The following PLXNA2 variants were observed in gnomAD, a reference collection of about 807,000 sequenced individuals.
The protein encoded by PLXNA2 is plexin-A2.
Under a neutral mutation model 193.5 loss-of-function variants are expected in PLXNA2, and 91 were observed. The ratio of observed to expected loss-of-function variants is 0.47; its 90% CI spans 0.40 to 0.56. The LOEUF is 0.56. Among genes scored for constraint, PLXNA2 ranks in the 20% least tolerant of loss-of-function variants. PLXNA2 has a pLI of 0.00. For synonymous variants in PLXNA2, 997 were observed against 1,027.3 expected (o/e 0.97, Z 0.56); for missense variants, 1,995 against 2,503.2 (o/e 0.80, Z 4.33).
At chr1:208,131,332 C>T (rs1397562001) in intron 4 of PLXNA2, among the ~76,000 whole-genome samples, 2 of 152,238 alleles carry the variant, frequency 1.3e-5, no homozygotes, top group Non-Finnish European at 2.9e-5. Context: ...TTCATGACGG[C>T]TCCTCTGATG....
intron 3 of PLXNA2, among the ~76,000 whole-genome samples, chr1:208,146,717 A>C (rs1052549085): frequency 6.6e-6 from 1 of 152,204 alleles, no homozygotes; most frequent in Non-Finnish European, 1.5e-5. Flanking sequence ...ACAAAGTGAC[A>C]GCAATAAACT....
chr1:208,097,179 T>C (rs761269134), intron 6 of PLXNA2, among the ~76,000 whole-genome samples: 1 of 152,168 alleles, frequency 6.6e-6, no homozygotes, highest in Non-Finnish European at 1.5e-5. Context: ...CCAAAATCCA[T>C]CTAAGCCCCT....
intron 13 of PLXNA2, 90 bp downstream of exon 13, chr1:208,060,596 C>T: frequency 7.5e-7 from 1 of 1,328,986 alleles, no homozygotes; most frequent in Non-Finnish European, 1.0e-6. Flanking sequence ...GGAGATCAAT[C>T]ATGGAAAAGG....
chr1:208,060,509 C>A (rs1470230130), intron 13 of PLXNA2, among the ~76,000 whole-genome samples, 177 bp downstream of exon 13: 1 of 152,050 alleles, frequency 6.6e-6, no homozygotes, highest in African/African-American at 2.4e-5. Context: ...AGGATGAGAC[C>A]CCCTGAGGGT....
chr1:208,096,661 T>C, intron 7 of PLXNA2, 69 bp downstream of exon 7: 1 of 1,561,028 alleles, frequency 6.4e-7, no homozygotes, highest in Admixed American at 1.8e-5. Context: ...TGCCTAGTTC[T>C]TGTGACCCCC....
chr1:208,182,830 C>A (rs2440899), intron 3 of PLXNA2, among the ~76,000 whole-genome samples: 145,818 of 152,050 alleles, frequency 0.96, 70,218 homozygotes, highest in East Asian at 1. Context: ...CTAGAGGAGA[C>A]TCTGGCTGCT....
chr1:208,082,002 G>A lies in PLXNA2; in HGVS notation c.2395+410C>T, dbSNP rs141431266. 4.6e-5 allele frequency among the ~76,000 whole-genome samples: 7 copies of A among 152,220 alleles called. No individual in the cohort carries two copies. The highest frequency in any genetic ancestry group is 1.4e-4 in the African/African-American group (6 of 41,542). Reference sequence around the variant, plus strand: ...TCTCCCGCCCACCTCAGGAACTGGAGAGCAGCCTTAAAAACCCTCTTTGTG... The same window carrying A: ...TCTCCCGCCCACCTCAGGAACTGGAAAGCAGCCTTAAAAACCCTCTTTGTG... On this transcript the variant is annotated intron_variant, in intron 11 of 31. Coordinates refer to ENST00000367033, the MANE Select transcript of PLXNA2 (RefSeq NM_025179.4). The surrounding 1 kb of genome is among the most constrained non-coding windows in gnomAD (Gnocchi z 4.2).
intron 3 of PLXNA2, among the ~76,000 whole-genome samples, chr1:208,187,448 G>A (rs1448795855): frequency 6.6e-6 from 1 of 152,174 alleles, no homozygotes; most frequent in African/African-American, 2.4e-5. Flanking sequence ...AGGGAAGCAG[G>A]AGCAACAGCC....
In PLXNA2 at chr1:208,039,663, G is replaced by T; in HGVS notation, c.4458C>A (p.Ser1486Arg). 1 of 1,614,166 alleles carries T rather than the reference G, an allele frequency of 6.2e-7. No homozygotes were observed. Among genetic ancestry groups the T allele is most frequent in the Non-Finnish European group, 8.5e-7 (1 of 1,180,054 alleles). The change falls in exon 24 of 32, where the codon AGC becomes AGA. Residue 1486 changes from serine to arginine, a missense_variant. Ser to Arg is a moderately radical substitution (Grantham distance 110). Around this residue, in one of 3 missense-constraint regions of PLXNA2, gnomAD observed 1,291 missense variants for 1,673.6 expected, o/e 0.77. Coordinates refer to ENST00000367033, the MANE Select transcript of PLXNA2 (RefSeq NM_025179.4). ...AITGEARYSL[S>R]EDKLIRQQIE... Reference sequence around the variant, plus strand: ...TCTGCTGCCGGATGAGCTTGTCCTCGCTCAGGGAGTAGCGGGCCTCGCCCG... The same window carrying T: ...TCTGCTGCCGGATGAGCTTGTCCTCTCTCAGGGAGTAGCGGGCCTCGCCCG...
rs1572064162 is a variant in PLXNA2 at position 208,236,819 on chromosome 1, A to G, written c.-81+6824T>C. Among the ~76,000 whole-genome samples the G allele has an allele frequency of 6.6e-6, 1 of 152,310 alleles. No homozygotes were observed. Among genetic ancestry groups the G allele is most frequent in the African/African-American group, 2.4e-5 (1 of 41,574 alleles). ...GGGCAAGAACTCCTTCTCTTCGGAA[A>G]TACAAGACTACACATACCCACATCA... On this transcript the variant is annotated intron_variant, in intron 1 of 31. Transcript: ENST00000367033. This position sits in a 1 kb window ranked among gnomAD's most constrained non-coding sequence, Gnocchi z 4.4.
chr1:208,105,725 C>T (rs1026710338), intron 4 of PLXNA2, among the ~76,000 whole-genome samples: 1 of 152,212 alleles, frequency 6.6e-6, no homozygotes, highest in African/African-American at 2.4e-5. Flanking sequence ...AACAGAGACC[C>T]TGGCTGCCTG....
intron 3 of PLXNA2, among the ~76,000 whole-genome samples, chr1:208,178,712 T>C (rs1220416741): frequency 2.6e-5 from 4 of 152,172 alleles, no homozygotes; most frequent in African/African-American, 9.7e-5. Flanking sequence ...GAAGAAGAGT[T>C]CCAATAACTC....
intron 1 of PLXNA2, among the ~76,000 whole-genome samples, chr1:208,218,752 G>C (rs2102616020): frequency 6.6e-6 from 1 of 152,360 alleles, no homozygotes; most frequent in Middle Eastern, 3.4e-3. Flanking sequence ...AAGCCCTCGG[G>C]AGACAGGCAG....
chr1:208,102,360 A>T (rs1456840761), intron 5 of PLXNA2, among the ~76,000 whole-genome samples: 3 of 152,216 alleles, frequency 2.0e-5, no homozygotes, highest in Admixed American at 2.0e-4. Context: ...GGGCAACAGA[A>T]TTCCTAGCCA....
intron 12 of PLXNA2, among the ~76,000 whole-genome samples, chr1:208,067,078 C>T (rs1196975237): frequency 6.6e-6 from 1 of 152,178 alleles, no homozygotes; most frequent in Non-Finnish European, 1.5e-5. Context: ...GGCGCAGTGG[C>T]TCATGCCTGT....
intron 1 of PLXNA2, among the ~76,000 whole-genome samples, chr1:208,237,583 T>G (rs538531730): frequency 3.4e-4 from 51 of 152,220 alleles, no homozygotes; most frequent in African/African-American, 1.1e-3. Flanking sequence ...GAAAACTGGG[T>G]AGGTACGGGT....
intron 3 of PLXNA2, among the ~76,000 whole-genome samples, chr1:208,168,724 G>GGT (rs1491302678): frequency 4.4e-4 from 32 of 73,152 alleles, no homozygotes; most frequent in Non-Finnish European, 3.5e-4. Context: ...AGTATGCGGG[G>GGT]TTTTTTTTTT....
chr1:208,088,453 A>G (rs983054842), intron 9 of PLXNA2, among the ~76,000 whole-genome samples: 3 of 152,390 alleles, frequency 2.0e-5, no homozygotes, highest in East Asian at 1.9e-4. Flanking sequence ...CCCCTGGGAC[A>G]GGGCATAAAG....
intron 3 of PLXNA2, among the ~76,000 whole-genome samples, chr1:208,189,677 C>A (rs541651593): frequency 6.6e-6 from 1 of 152,280 alleles, no homozygotes; most frequent in South Asian, 2.1e-4. Context: ...TCTCATTTTG[C>A]AAATGAAGAA....
Sources: gnomAD v4.1 joint callset for allele counts (sites outside exome capture counted in the v4.1 genomes callset) on GRCh38, gnomAD v4.1.1 for gene constraint, gnomAD v4.1.1 regional missense constraint, Gnocchi (gnomAD v3.1) non-coding constraint, MANE v1.5 for transcripts, NCBI Gene and HGNC (gene_info 2026-07-23, HGNC 2026-07-21) for gene names.